The following ZNF350 variants were observed in gnomAD, a reference collection of about 807,000 sequenced individuals.
The protein encoded by ZNF350 is zinc finger protein 350.
ZNF350 carries 5 observed loss-of-function variants against 13.1 expected under a neutral mutation model. The observed-to-expected ratio is 0.38, with a 90% CI of 0.20 to 0.80. ZNF350 has a LOEUF of 0.80. ZNF350 is among the 30% of genes least tolerant of loss of function. The pLI is 0.43. For synonymous variants in ZNF350, 199 were observed against 224.2 expected (o/e 0.89, Z 1.00); for missense variants, 534 against 644.2 (o/e 0.83, Z 1.85).
Position 51,969,006 on chromosome 19 carries a change from C to G in ZNF350, c.141G>C (p.Val47=). The change falls in exon 3 of 5, where the codon GTG becomes GTC. Residue 47 remains valine (V), a splice_region_variant and synonymous_variant. Transcript: ENST00000243644. The stretch of plus-strand genomic sequence containing the variant: ...GTGACACAGGGCAGCTGTCCTCACC[C>G]ACTGCCACCAGGTTGCTGTAGTTCT... The part of the protein sequence containing the change: ...MLENYSNLVA[V]GYQASKPDAL... 1 of 1,614,024 alleles carries G rather than the reference C, an allele frequency of 6.2e-7. No homozygotes were observed. Among genetic ancestry groups the G allele is most frequent in the Admixed American group, 1.7e-5 (1 of 60,008 alleles).
chr19:51,970,873 AC>A lies in ZNF350; in HGVS notation c.16-1743del, dbSNP rs2081937965. On this transcript the variant is annotated intron_variant, in intron 2 of 4. Coordinates refer to ENST00000243644, the MANE Select transcript of ZNF350 (RefSeq NM_021632.4). ...AAAATCCAAAGACCAATGACAGGTT[AC>A]CTACAAAGGAGACAAAATTTTCTGA... Among the ~76,000 whole-genome samples, 4 of 152,350 alleles carry A rather than the reference AC, an allele frequency of 2.6e-5. No homozygotes were observed. In the South Asian group the frequency reaches 8.3e-4, roughly 32 times the overall value.
chr19:51,983,534 T>G (rs1487916767), intron 1 of ZNF350, among the ~76,000 whole-genome samples: 3 of 152,188 alleles, frequency 2.0e-5, no homozygotes, highest in South Asian at 2.1e-4. Context: ...AAAACCACCT[T>G]ATAACTAAAG....
chr19:51,977,062 G>C (rs2085915827), intron 1 of ZNF350, among the ~76,000 whole-genome samples: 1 of 152,188 alleles, frequency 6.6e-6, no homozygotes, highest in African/African-American at 2.4e-5. Context: ...TCCTTCAGTT[G>C]CAGAAACATC....
chr19:51,965,117 G>A lies in ZNF350; in HGVS notation c.1336C>T (p.His446Tyr). ...NPPAERHSSLHTSDVMQEKNS... is the reference protein window; with the variant it reads ...NPPAERHSSLYTSDVMQEKNS... The stretch of plus-strand genomic sequence containing the variant: ...TTCTCCTGCATGACATCACTGGTGT[G>A]TAATGAGCTGTGCCTCTCTGCAGGA... Residue 446 changes from histidine (H) to tyrosine (Y), a missense_variant, in exon 5 of 5, where the codon CAC becomes TAC. Coordinates refer to ENST00000243644, the MANE Select transcript of ZNF350 (RefSeq NM_021632.4). 6.2e-7 allele frequency: 1 copy of A among 1,614,220 alleles called. No homozygotes were observed. The highest frequency in any genetic ancestry group is 8.5e-7 in the Non-Finnish European group (1 of 1,180,040).
At chr19:51,974,003 ATCTGTTTTATC>A (rs2122911764) in intron 2 of ZNF350, 1 of 178,778 alleles carries the variant, frequency 5.6e-6, no homozygotes, top group Non-Finnish European at 1.2e-5. Flanking sequence ...CCAGGAAGTA[ATCTGTTTTATC>A]TTCAAAAACA....
intron 4 of ZNF350, among the ~76,000 whole-genome samples, chr19:51,966,773 G>A (rs2085592081): frequency 6.6e-6 from 1 of 151,442 alleles, no homozygotes; most frequent in African/African-American, 2.4e-5. Flanking sequence ...TCAGCCTCCC[G>A]AGTAGCTGGG....
Position 51,965,986 on chromosome 19 carries a change from T to C in ZNF350, c.467A>G (p.Glu156Gly). Residue 156 changes from glutamate to glycine, a missense_variant, in exon 5 of 5, where the codon GAG (glutamate) becomes GGG (glycine). Glu to Gly is a moderately conservative substitution (Grantham distance 98). Transcript: ENST00000243644. ...AAAGGAGTCCCCATTTCCAGTAAAC[T>C]CAACAGAGTTCTTTATTTCATAGCC... ...SKGYEIKNSV[E>G]FTGNGDSFLH... 1 of 1,614,140 alleles carries C rather than the reference T, an allele frequency of 6.2e-7. No homozygotes were observed. Among genetic ancestry groups the C allele is most frequent in the Non-Finnish European group, 8.5e-7 (1 of 1,180,032 alleles).
chr19:51,966,875 G>A (rs1356875503), intron 4 of ZNF350, among the ~76,000 whole-genome samples: 4 of 150,704 alleles, frequency 2.7e-5, no homozygotes, highest in South Asian at 2.1e-4. Context: ...TCGAACTCCC[G>A]ACCTCAGGTG....
intron 1 of ZNF350, among the ~76,000 whole-genome samples, chr19:51,979,371 C>A (rs547008043): frequency 6.6e-6 from 1 of 152,152 alleles, no homozygotes; most frequent in Non-Finnish European, 1.5e-5. Flanking sequence ...AGATTTATCA[C>A]GATCAGGGAG....
chr19:51,979,128 G>C (rs2085971156), intron 1 of ZNF350, among the ~76,000 whole-genome samples: 1 of 152,118 alleles, frequency 6.6e-6, no homozygotes, highest in Admixed American at 6.5e-5. Context: ...GCCAACCAGA[G>C]TCATGATGAC....
chr19:51,965,244 G>C lies in ZNF350; in HGVS notation c.1209C>G (p.Gly403=), dbSNP rs2085533521. 7 of 1,614,148 alleles carry C rather than the reference G, an allele frequency of 4.3e-6. No homozygotes were observed. Among genetic ancestry groups the C allele is most frequent in the Non-Finnish European group, 5.9e-6 (7 of 1,180,032 alleles). ...CAAACGCTTTCCCACACTCGTTACA[G>C]CCATAGGGTCTCTCTCCTGTATGAG... is the stretch of plus-strand genomic sequence containing the variant. ...QRTHTGERPY[G]CNECGKAFAY... is the part of the protein sequence containing the mutation. The change falls in exon 5 of 5, where the codon GGC becomes GGG. Residue 403 remains glycine (G), a synonymous_variant. Coordinates refer to ENST00000243644, the MANE Select transcript of ZNF350 (RefSeq NM_021632.4).
At chr19:51,978,618 T>G (rs1042573566) in intron 1 of ZNF350, among the ~76,000 whole-genome samples, 2 of 152,138 alleles carry the variant, frequency 1.3e-5, no homozygotes, top group African/African-American at 2.4e-5. Flanking sequence ...GACCTACCTG[T>G]GTAGTACACA....
Position 51,965,614 on chromosome 19 carries a change from T to C in ZNF350, c.839A>G (p.His280Arg), listed in dbSNP as rs1282949171. 5 of 1,614,130 alleles carry C rather than the reference T, an allele frequency of 3.1e-6. No individual in the cohort carries two copies. In the African/African-American group the frequency reaches 4.0e-5, roughly 13 times the overall value. Reference protein sequence around the residue: ...AFLKKSRLNIHQKTHTGEKPY... With the variant: ...AFLKKSRLNIRQKTHTGEKPY... ...TTTCTCTCCGGTATGTGTTTTCTGA[T>C]GTATGTTGAGCCGTGATTTCTTGAG... is the stretch of plus-strand genomic sequence containing the variant. Residue 280 changes from histidine to arginine, a missense_variant, in exon 5 of 5, where the codon CAT becomes CGT. Physicochemically the swap from His to Arg is conservative, Grantham distance 29. Transcript: ENST00000243644.
chr19:51,965,637 G>C lies in ZNF350; in HGVS notation c.816C>G (p.Leu272=), dbSNP rs752644609. The C allele has an allele frequency of 6.2e-7, 1 of 1,614,174 alleles. No individual in the cohort carries two copies. Among genetic ancestry groups the C allele is most frequent in the Non-Finnish European group, 8.5e-7 (1 of 1,180,026 alleles). The change falls in exon 5 of 5, where the codon CTC becomes CTG. Residue 272 remains leucine (L), a synonymous_variant. Transcript: ENST00000243644. ...YECPECGKAF[L]KKSRLNIHQK... is the part of the protein sequence containing the mutation. The stretch of plus-strand genomic sequence containing the variant: ...GATGTATGTTGAGCCGTGATTTCTT[G>C]AGAAAGGCTTTGCCACATTCAGGGC...
chr19:51,971,635 A>G (rs2085740351), intron 2 of ZNF350, among the ~76,000 whole-genome samples: 1 of 152,174 alleles, frequency 6.6e-6, no homozygotes, highest in African/African-American at 2.4e-5. Flanking sequence ...CCTCCTCTGG[A>G]CTGAGCAGCT....
At position 51,965,572 on chromosome 19, in the gene ZNF350, TC is replaced by T; in HGVS notation, c.880del (p.Glu294AsnfsTer41). On this transcript the variant is annotated frameshift_variant, in exon 5 of 5. Coordinates refer to ENST00000243644, the MANE Select transcript of ZNF350 (RefSeq NM_021632.4). LOFTEE classifies it low-confidence loss of function (END_TRUNC). Reference protein sequence around the residue: ...HTGEKPYICSECGKGFIQKGN... With the variant: ...HTGEKPYICSXCGKGFIQKGN... ...TTTCTGGATGAAGCCTTTTCCACATTCACTGCATATATAGGGTTTCTCTCCG... is the reference window on the plus strand; with the variant it reads ...TTTCTGGATGAAGCCTTTTCCACATTACTGCATATATAGGGTTTCTCTCCG... 6.2e-7 allele frequency: 1 copy of T among 1,614,116 alleles called. No individual in the cohort carries two copies. The highest frequency in any genetic ancestry group is 8.5e-7 in the Non-Finnish European group (1 of 1,180,040).
chr19:51,971,916 C>T (rs150290500), intron 2 of ZNF350, among the ~76,000 whole-genome samples: 257 of 152,260 alleles, frequency 1.7e-3, no homozygotes, highest in African/African-American at 4.6e-3. Context: ...TAGTGACTTA[C>T]CTCTATTCAG....
intron 1 of ZNF350, chr19:51,986,488 T>C (rs17695888): frequency 0.054 from 8,304 of 152,386 alleles, 263 homozygotes; most frequent in Non-Finnish European, 0.062. Context: ...CCTCCATCCT[T>C]TACAAGCAGA....
chr19:51,975,824 A>T (rs147521103), intron 1 of ZNF350, among the ~76,000 whole-genome samples: 48 of 151,712 alleles, frequency 3.2e-4, no homozygotes, highest in African/African-American at 1.1e-3. Context: ...TCCCGGGTTC[A>T]AGCAATTCTC....
Sources: gnomAD v4.1 joint callset for allele counts (sites outside exome capture counted in the v4.1 genomes callset) on GRCh38, gnomAD v4.1.1 for gene constraint, MANE v1.5 for transcripts, NCBI Gene and HGNC (gene_info 2026-07-23, HGNC 2026-07-21) for gene names.